The following SORCS1 variants were observed in gnomAD, a reference collection of about 807,000 sequenced individuals.
SORCS1 encodes the protein VPS10 domain-containing receptor SorCS1.
In SORCS1, 60 loss-of-function variants were observed where a neutral mutation model predicts 146.1. That is an observed-to-expected ratio of 0.41 (90% CI 0.33 to 0.51). The LOEUF (loss-of-function observed/expected upper bound fraction) is 0.51. Among genes scored for constraint, SORCS1 ranks in the 20% least tolerant of loss-of-function variants. The pLI, the probability that SORCS1 is intolerant of heterozygous loss-of-function variation, is 0.21. For missense variants in SORCS1, 1,352 were observed against 1,487.6 expected, an observed-to-expected ratio of 0.91 and a Z score of 1.50; for synonymous variants, 637 against 584.0, an observed-to-expected ratio of 1.09 and a Z score of -1.31.
intron 2 of SORCS1, among the ~76,000 whole-genome samples, chr10:106,886,098 CT>C (rs1465852319): frequency 1.3e-5 from 2 of 152,036 alleles, no homozygotes; most frequent in Admixed American, 6.6e-5. Context: ...CCCATTTCTA[CT>C]AAAAGTACAA....
intron 24 of SORCS1, among the ~76,000 whole-genome samples, chr10:106,588,619 T>C (rs993464100): frequency 6.6e-6 from 1 of 151,822 alleles, no homozygotes; most frequent in African/African-American, 2.4e-5. Context: ...CCCAGCACTT[T>C]GGGAGGCCAA....
chr10:106,955,166 G>A (rs535342563), intron 2 of SORCS1, among the ~76,000 whole-genome samples: 1 of 152,230 alleles, frequency 6.6e-6, no homozygotes, highest in Admixed American at 6.5e-5. Context: ...TGACCCTTCT[G>A]GGGGCCTAGA....
intron 1 of SORCS1, among the ~76,000 whole-genome samples, chr10:107,138,038 G>A (rs747965338): frequency 4.6e-5 from 7 of 151,954 alleles, no homozygotes; most frequent in East Asian, 1.9e-4. Context: ...GTTATTGAGT[G>A]GAAAAATTTC....
chr10:106,820,883 C>T (rs1465761426), intron 3 of SORCS1, among the ~76,000 whole-genome samples: 1 of 152,154 alleles, frequency 6.6e-6, no homozygotes, highest in African/African-American at 2.4e-5. Flanking sequence ...CACAGCAGAG[C>T]ATAACTTGGA....
At chr10:106,828,765 T>C (rs150574523) in intron 3 of SORCS1, among the ~76,000 whole-genome samples, 1 of 152,268 alleles carries the variant, frequency 6.6e-6, no homozygotes, top group African/African-American at 2.4e-5. Context: ...CAGGGACAAA[T>C]AAATGTCTTC....
intron 1 of SORCS1, among the ~76,000 whole-genome samples, chr10:107,017,431 T>C (rs569817270): frequency 1.3e-5 from 2 of 152,134 alleles, no homozygotes; most frequent in African/African-American, 4.8e-5. Context: ...ATAATTCTAT[T>C]TACAAATGGA....
At chr10:106,638,763 G>A (rs920099342) in intron 18 of SORCS1, among the ~76,000 whole-genome samples, 2 of 152,156 alleles carry the variant, frequency 1.3e-5, no homozygotes, top group African/African-American at 2.4e-5. Context: ...AAGAGGTGCT[G>A]TATGTGAAAG....
At chr10:106,962,333 T>A (rs1955264851) in intron 1 of SORCS1, among the ~76,000 whole-genome samples, 1 of 133,686 alleles carries the variant, frequency 7.5e-6, no homozygotes. Flanking sequence ...AGGTAGAGGT[T>A]GTGGTGAGCC....
intron 1 of SORCS1, among the ~76,000 whole-genome samples, chr10:107,006,378 A>C (rs962813273): frequency 6.6e-6 from 1 of 152,256 alleles, no homozygotes; most frequent in African/African-American, 2.4e-5. Context: ...GAGCAACAAG[A>C]GAATAAATAG....
chr10:107,011,711 C>T (rs1251776651), intron 1 of SORCS1, among the ~76,000 whole-genome samples: 1 of 152,156 alleles, frequency 6.6e-6, no homozygotes, highest in Non-Finnish European at 1.5e-5. Context: ...TCACCTTCTC[C>T]TTACAATTCT....
At chr10:106,669,042 C>A (rs948938009) in intron 16 of SORCS1, among the ~76,000 whole-genome samples, 2 of 152,106 alleles carry the variant, frequency 1.3e-5, no homozygotes, top group Non-Finnish European at 2.9e-5. Context: ...GAAAACCTTA[C>A]AATGAACTCC....
intron 20 of SORCS1, among the ~76,000 whole-genome samples, chr10:106,619,646 T>C (rs1304190797): frequency 6.6e-6 from 1 of 152,096 alleles, no homozygotes; most frequent in Non-Finnish European, 1.5e-5. Context: ...CAGCCTGGTG[T>C]AGAGGAAAGA....
chr10:107,108,897 A>G (rs1367773765), intron 1 of SORCS1, among the ~76,000 whole-genome samples: 1 of 152,250 alleles, frequency 6.6e-6, no homozygotes, highest in Non-Finnish European at 1.5e-5. Flanking sequence ...GAAGTCAGCC[A>G]AAAGAAAGGG....
intron 10 of SORCS1, among the ~76,000 whole-genome samples, chr10:106,686,946 G>A (rs139522612): frequency 3.1e-4 from 47 of 152,282 alleles, no homozygotes; most frequent in Middle Eastern, 6.8e-3. Context: ...CTATATATGT[G>A]TAGTTCATAC....
At chr10:106,723,279 G>T (rs1419988573) in intron 6 of SORCS1, among the ~76,000 whole-genome samples, 1 of 152,028 alleles carries the variant, frequency 6.6e-6, no homozygotes, top group Non-Finnish European at 1.5e-5. Context: ...TTTGGTCAAC[G>T]TTTTCTCTTT....
intron 1 of SORCS1, among the ~76,000 whole-genome samples, chr10:107,124,081 C>T (rs1398716793): frequency 1.0e-4 from 15 of 145,712 alleles, no homozygotes; most frequent in Admixed American, 3.4e-4. Flanking sequence ...AGCGAGACTT[C>T]GTCTCAAAAA....
intron 2 of SORCS1, among the ~76,000 whole-genome samples, chr10:106,924,466 G>T (rs10786987): frequency 0.36 from 47,049 of 131,090 alleles, 8,846 homozygotes; most frequent in Non-Finnish European, 0.45. Context: ...CACAGTTATC[G>T]ATCTATCTAT....
intron 1 of SORCS1, among the ~76,000 whole-genome samples, chr10:106,980,273 T>C: frequency 6.6e-6 from 1 of 152,232 alleles, no homozygotes; most frequent in Non-Finnish European, 1.5e-5. Flanking sequence ...AATAATTGTA[T>C]GCCTGTGATC....
chr10:107,013,108 T>G (rs545104869), intron 1 of SORCS1, among the ~76,000 whole-genome samples: 17 of 152,180 alleles, frequency 1.1e-4, no homozygotes, highest in Non-Finnish European at 2.1e-4. Flanking sequence ...TGGTACACAG[T>G]TGGTAGCTAA....
Sources: gnomAD v4.1 joint callset for allele counts (sites outside exome capture counted in the v4.1 genomes callset) on GRCh38, gnomAD v4.1.1 for gene constraint, MANE v1.5 for transcripts, NCBI Gene and HGNC (gene_info 2026-07-23, HGNC 2026-07-21) for gene names.